CLNK: variants seen among roughly 807,000 people sequenced by gnomAD.
CLNK encodes the protein cytokine dependent hematopoietic cell linker.
In CLNK, 74 loss-of-function variants were observed where a neutral mutation model predicts 68.6. The ratio of observed to expected loss-of-function variants is 1.08; its 90% CI spans 0.89 to 1.31. The LOEUF (loss-of-function observed/expected upper bound fraction) is 1.31, where lower values mean the gene tolerates loss of function less well. CLNK is among the 50% of genes most tolerant of loss of function. The probability of loss-of-function intolerance (pLI) is 0.00; values close to 1 mark genes in which losing one functional copy is unlikely to be tolerated. For synonymous variants in CLNK, 198 were observed against 172.2 expected, an observed-to-expected ratio of 1.15 and a Z score of -1.17; for missense variants, 553 against 515.3, an observed-to-expected ratio of 1.07 and a Z score of -0.71.
chr4:10,537,464 C>T (rs979698934), intron 11 of CLNK, among the ~76,000 whole-genome samples: 6 of 151,850 alleles, frequency 4.0e-5, no homozygotes, highest in African/African-American at 9.7e-5. Context: ...GGCAATAGAG[C>T]GAGATTCCAT....
In CLNK at chr4:10,540,705, G is replaced by T; in HGVS notation, c.492-101C>A. ...CTCTGCCCTCCGTGTCCCCAGCTTT[G>T]GGTTGAAAATGCTAGTTTTTGGATG... On this transcript the variant is annotated intron_variant, in intron 10 of 18. Coordinates refer to ENST00000226951, the MANE Select transcript of CLNK (RefSeq NM_052964.4). The T allele has an allele frequency of 1.3e-5, 10 of 796,210 alleles. No individual in the cohort carries two copies. In the South Asian group the frequency reaches 1.4e-4, roughly 11 times the overall value. The allele number at this position is 796,210 out of a possible 1,614,324, so 49.3% of individuals were successfully genotyped here.
the CLNK span, among the ~76,000 whole-genome samples, chr4:10,722,683 A>G: frequency 1.3e-5 from 2 of 152,234 alleles, no homozygotes; most frequent in Non-Finnish European, 2.9e-5. Flanking sequence ...CTGCTATTGT[A>G]CACTCCACAG....
At chr4:10,698,001 T>A in the CLNK span, among the ~76,000 whole-genome samples, 1 of 152,226 alleles carries the variant, frequency 6.6e-6, no homozygotes, top group Admixed American at 6.5e-5. Context: ...ATGGAAGTGC[T>A]GACCGTTTTG....
chr4:10,614,572 C>A (rs1397336879), intron 2 of CLNK, among the ~76,000 whole-genome samples: 1 of 152,316 alleles, frequency 6.6e-6, no homozygotes, highest in East Asian at 1.9e-4. Context: ...AGACCAGCAG[C>A]ATCTCCCAAG....
At chr4:10,729,515 C>T in the CLNK span, among the ~76,000 whole-genome samples, 18 of 152,282 alleles carry the variant, frequency 1.2e-4, no homozygotes, top group African/African-American at 4.1e-4. Flanking sequence ...CCTCAGTGTC[C>T]ATCAAGGGAT....
chr4:10,509,717 G>C (rs1717485493), intron 16 of CLNK, among the ~76,000 whole-genome samples: 1 of 152,006 alleles, frequency 6.6e-6, no homozygotes, highest in African/African-American at 2.4e-5. Context: ...GTAGAGACAG[G>C]GTTTCACCGT....
At position 10,486,636 on chromosome 4, in the gene CLNK, T is replaced by C. The variant is rs1489387371; in HGVS notation, c.*3831A>G. ...AATTAGAACAGGAGACTTAACTGAT[T>C]ACAGCCATGATGCGGTTACTTAAAA... On this transcript the variant is annotated 3_prime_UTR_variant, in exon 19 of 19. Coordinates refer to ENST00000226951, the MANE Select transcript of CLNK (RefSeq NM_052964.4). 4.6e-5 allele frequency: 7 copies of C among 152,100 alleles called. No individual in the cohort carries two copies. Among genetic ancestry groups the C allele is most frequent in the Admixed American group, 4.6e-4 (7 of 15,258 alleles). The allele number at this position is 152,100 out of a possible 1,614,324, so 9.4% of individuals were successfully genotyped here.
At chr4:10,491,787 A>T in intron 18 of CLNK, among the ~76,000 whole-genome samples, 1 of 152,072 alleles carries the variant, frequency 6.6e-6, no homozygotes, top group South Asian at 2.1e-4. Context: ...TTTTAATTTC[A>T]ACAGCTTTAG....
chr4:10,731,178 A>G, the CLNK span, among the ~76,000 whole-genome samples: 3 of 152,202 alleles, frequency 2.0e-5, no homozygotes, highest in Non-Finnish European at 4.4e-5. Context: ...TATTCCTTCT[A>G]TGTAACTGTT....
At position 10,582,936 on chromosome 4, in the gene CLNK, A is replaced by AT. The variant is rs940838796; in HGVS notation, c.112+1990dup. Among the ~76,000 whole-genome samples the AT allele has an allele frequency of 1.2e-4, 18 of 152,084 alleles. 1 individual carries two copies. The highest frequency in any genetic ancestry group is 4.3e-4 in the African/African-American group (18 of 41,418). The stretch of plus-strand genomic sequence containing the variant: ...AATATACAATCACTCCTTGTACCCT[A>AT]TTTTTTACCTGCTTTTTCACAAAAT... On this transcript the variant is annotated intron_variant, in intron 4 of 18. Coordinates refer to ENST00000226951, the MANE Select transcript of CLNK (RefSeq NM_052964.4).
chr4:10,695,499 G>C, the CLNK span, among the ~76,000 whole-genome samples: 1 of 152,186 alleles, frequency 6.6e-6, no homozygotes, highest in African/African-American at 2.4e-5. Context: ...GCCCTTCCAT[G>C]CTTCTCCTTT....
chr4:10,550,422 G>C (rs894274785), intron 8 of CLNK, among the ~76,000 whole-genome samples: 1 of 152,134 alleles, frequency 6.6e-6, no homozygotes, highest in African/African-American at 2.4e-5. Context: ...GTGAACCCGG[G>C]AGGCGGAGCT....
At chr4:10,681,788 C>A (rs995152992) in intron 1 of CLNK, among the ~76,000 whole-genome samples, 2 of 152,118 alleles carry the variant, frequency 1.3e-5, no homozygotes, top group Admixed American at 1.3e-4. Flanking sequence ...AGCAGGAGCT[C>A]GGGGCTCGGG....
chr4:10,615,922 G>T (rs906528939), intron 2 of CLNK, among the ~76,000 whole-genome samples: 2 of 152,204 alleles, frequency 1.3e-5, no homozygotes, highest in Non-Finnish European at 2.9e-5. Context: ...GGAATATTGA[G>T]TTATCAGTGG....
chr4:10,734,225 T>C, the CLNK span, among the ~76,000 whole-genome samples: 11 of 152,362 alleles, frequency 7.2e-5, no homozygotes, highest in African/African-American at 2.6e-4. Context: ...TTGCAAAGCC[T>C]GAACCTGGGC....
At position 10,649,322 on chromosome 4, in the gene CLNK, G is replaced by A. The variant is rs188046687; in HGVS notation, c.11+18537C>T. Among the ~76,000 whole-genome samples the A allele has an allele frequency of 8.5e-4, 129 of 152,234 alleles. No individual in the cohort carries two copies. In the East Asian group the frequency reaches 0.018, roughly 22 times the overall value. The stretch of plus-strand genomic sequence containing the variant: ...AATTTTCAGTTAATAGATGCCAAAA[G>A]CAGGGACTATTCAGAGAGAGTCCAA... On this transcript the variant is annotated intron_variant, in intron 2 of 18. Coordinates refer to ENST00000226951, the MANE Select transcript of CLNK (RefSeq NM_052964.4).
chr4:10,692,946 T>A, the CLNK span, among the ~76,000 whole-genome samples: 10 of 152,230 alleles, frequency 6.6e-5, no homozygotes, highest in African/African-American at 1.7e-4. Context: ...TAGATCAAGG[T>A]ATGGCTCCTG....
At chr4:10,540,450 C>A in intron 11 of CLNK, 44 bp downstream of exon 11, 1 of 1,464,396 alleles carries the variant, frequency 6.8e-7, no homozygotes. Context: ...CCCCCACACC[C>A]ACACTCTTGC....
At chr4:10,684,550 C>G (rs927821684) in intron 1 of CLNK, 118 bp downstream of exon 1, 1 of 152,160 alleles carries the variant, frequency 6.6e-6, no homozygotes, top group African/African-American at 2.4e-5. Context: ...ATATAAGGCC[C>G]AGACTTCCAC....
Sources: allele counts gnomAD v4.1 joint callset (sites outside exome capture counted in the v4.1 genomes callset), GRCh38; gene constraint gnomAD v4.1.1; transcripts MANE v1.5; gene names NCBI Gene and HGNC (gene_info 2026-07-23, HGNC 2026-07-21).